LCP2: variants seen among roughly 807,000 people sequenced by gnomAD.
LCP2 encodes the protein lymphocyte cytosolic protein 2.
Under a neutral mutation model 74.5 loss-of-function variants are expected in LCP2, and 29 were observed. The observed-to-expected ratio is 0.39, with a 90% confidence interval of 0.29 to 0.53. The LOEUF (loss-of-function observed/expected upper bound fraction) is 0.53. Among genes scored for constraint, LCP2 ranks in the 20% least tolerant of loss-of-function variants. LCP2 has a pLI of 0.72. For missense variants in LCP2, 604 were observed against 634.6 expected (o/e 0.95, Z 0.52); for synonymous variants, 228 against 229.5 (o/e 0.99, Z 0.06).
At chr5:170,261,779 G>A (rs973336465) in intron 13 of LCP2, among the ~76,000 whole-genome samples, 15 of 152,210 alleles carry the variant, frequency 9.9e-5, no homozygotes, top group African/African-American at 3.6e-4. Flanking sequence ...GCCGTATAAT[G>A]TCCTCTCTGG....
At chr5:170,253,958 A>G (rs2113153546) in intron 17 of LCP2, among the ~76,000 whole-genome samples, 1 of 152,300 alleles carries the variant, frequency 6.6e-6, no homozygotes, top group East Asian at 1.9e-4. Flanking sequence ...GCAGTTGCCC[A>G]GGGTATTTTC....
intron 3 of LCP2, among the ~76,000 whole-genome samples, chr5:170,281,509 TG>T (rs1762104631): frequency 6.6e-6 from 1 of 152,214 alleles, no homozygotes; most frequent in Non-Finnish European, 1.5e-5. Context: ...CTCGATCTCC[TG>T]ACCTTGTGAT....
intron 8 of LCP2, among the ~76,000 whole-genome samples, chr5:170,267,585 C>G (rs567379427): frequency 6.6e-6 from 1 of 152,008 alleles, no homozygotes; most frequent in South Asian, 2.1e-4. Flanking sequence ...TCACCTCCCC[C>G]CCCCATACCG....
At chr5:170,275,384 T>G (rs764680745) in intron 4 of LCP2, 33 bp from the exon 5 acceptor site, 1 of 1,613,346 alleles carries the variant, frequency 6.2e-7, no homozygotes, top group East Asian at 2.2e-5. Context: ...ATTAATGGTC[T>G]TCTCGATTTA....
intron 17 of LCP2, among the ~76,000 whole-genome samples, chr5:170,255,782 C>G (rs1761538874): frequency 6.6e-6 from 1 of 152,234 alleles, no homozygotes; most frequent in Non-Finnish European, 1.5e-5. Context: ...ACTCAGGCCT[C>G]ACCCCAGACC....
At chr5:170,292,804 C>T (rs917179389) in intron 2 of LCP2, among the ~76,000 whole-genome samples, 1 of 152,224 alleles carries the variant, frequency 6.6e-6, no homozygotes, top group Non-Finnish European at 1.5e-5. Context: ...TACATACCTG[C>T]ACCTTGGTCT....
At chr5:170,271,195 A>G (rs1022803216) in intron 6 of LCP2, among the ~76,000 whole-genome samples, 2 of 152,190 alleles carry the variant, frequency 1.3e-5, no homozygotes, top group African/African-American at 4.8e-5. Flanking sequence ...AAGGGGAAGG[A>G]TGCTGGAATA....
intron 3 of LCP2, among the ~76,000 whole-genome samples, chr5:170,285,573 C>A (rs953160070): frequency 6.6e-6 from 1 of 152,142 alleles, no homozygotes; most frequent in Non-Finnish European, 1.5e-5. Context: ...CTAGCCAGGA[C>A]CTGAACAATT....
chr5:170,273,271 G>T (rs1226191787), intron 6 of LCP2, among the ~76,000 whole-genome samples: 2 of 152,220 alleles, frequency 1.3e-5, no homozygotes, highest in Admixed American at 1.3e-4. Flanking sequence ...AAGAGAGGCT[G>T]CATGGCAAGG....
Position 170,262,769 on chromosome 5 carries a change from A to G in LCP2, c.819-27T>C, listed in dbSNP as rs202237098. ...TGTGGAGTTCAGGAAAAGGATGTGT[A>G]AGAAACAAACTTTGCCGAGGCAGAG... On this transcript the variant is annotated intron_variant, in intron 12 of 20. Transcript: ENST00000046794. 433 of 1,613,518 alleles carry G rather than the reference A, an allele frequency of 2.7e-4. 1 individual carries two copies. In the East Asian group the frequency reaches 3.4e-3, roughly 13 times the overall value.
intron 1 of LCP2, among the ~76,000 whole-genome samples, chr5:170,295,571 G>A (rs1019175030): frequency 1.3e-5 from 2 of 152,236 alleles, no homozygotes; most frequent in Admixed American, 1.3e-4. Flanking sequence ...GAGCTGAGTC[G>A]AGAGCTGTCT....
chr5:170,289,673 C>CTTTCTT (rs1443841574), intron 2 of LCP2, among the ~76,000 whole-genome samples: 53 of 129,676 alleles, frequency 4.1e-4, no homozygotes, highest in East Asian at 1.1e-3. Context: ...TTCTTTCTTT[C>CTTTCTT]TCTCTCTCTC....
intron 2 of LCP2, among the ~76,000 whole-genome samples, chr5:170,288,714 G>A (rs181541739): frequency 8.5e-5 from 13 of 152,314 alleles, no homozygotes; most frequent in African/African-American, 2.6e-4. Flanking sequence ...GGGATATCAA[G>A]GGGATTTCCA....
At position 170,288,032 on chromosome 5, in the gene LCP2, A is replaced by T; in HGVS notation, c.142-16T>A. 2.5e-6 allele frequency: 4 copies of T among 1,613,830 alleles called. 1 individual carries two copies. Among genetic ancestry groups the T allele is most frequent in the South Asian group, 2.2e-5 (2 of 91,080 alleles). ...CTGTCAGGTTCTGAAATGAAGACAC[A>T]TATGGCAGGCAGGTTACAACCCACA... On this transcript the variant is annotated splice_polypyrimidine_tract_variant and intron_variant, in intron 2 of 20. Transcript: ENST00000046794.
intron 8 of LCP2, 40 bp from the exon 9 acceptor site, chr5:170,267,115 A>G (rs751072898): frequency 6.9e-6 from 11 of 1,603,418 alleles, no homozygotes; most frequent in Admixed American, 5.0e-5. Flanking sequence ...CTTCCAATAC[A>G]TCAGCAAGAG....
Position 170,283,586 on chromosome 5 carries a change from G to A in LCP2, c.188+4384C>T, listed in dbSNP as rs546867136. Among the ~76,000 whole-genome samples, 3 of 152,204 alleles carry A rather than the reference G, an allele frequency of 2.0e-5. No homozygotes were observed. In the South Asian group the frequency reaches 6.2e-4, roughly 32 times the overall value. On this transcript the variant is annotated intron_variant, in intron 3 of 20. Transcript: ENST00000046794. ...CTGTCCTCCAAATCATCACTTACAT[G>A]CCCTGGACAGAGATAAGACACAAAT...
intron 3 of LCP2, among the ~76,000 whole-genome samples, chr5:170,287,452 C>G (rs1199647215): frequency 6.6e-6 from 1 of 152,226 alleles, no homozygotes; most frequent in Non-Finnish European, 1.5e-5. Flanking sequence ...CTTTCAGCAC[C>G]TATGGCAGAC....
Position 170,246,271 on chromosome 5 carries a change from G to A in LCP2, c.*2426C>T. The A allele has an allele frequency of 1.6e-6, 1 of 616,250 alleles. No homozygotes were observed. Among genetic ancestry groups the A allele is most frequent in the Non-Finnish European group, 2.6e-6 (1 of 382,032 alleles). 38.2% of individuals were successfully genotyped at this position (616,250 alleles called of 1,614,324 possible). A position where few individuals can be genotyped will look rare whatever the true frequency, so the allele number is the denominator to read the frequency against. On this transcript the variant is annotated 3_prime_UTR_variant, in exon 21 of 21. Transcript: ENST00000046794. ...AGGCTGTTTAATGTTTTGAAGAATG[G>A]CTTAACTTACGTCACTAATGGCAAG...
chr5:170,251,732 C>G, intron 19 of LCP2: 1 of 449,982 alleles, frequency 2.2e-6, no homozygotes, highest in Middle Eastern at 3.3e-4. Flanking sequence ...ATTAGAATTA[C>G]CTGGGAAGTT....
Sources: allele counts gnomAD v4.1 joint callset (sites outside exome capture counted in the v4.1 genomes callset), GRCh38; gene constraint gnomAD v4.1.1; transcripts MANE v1.5; gene names NCBI Gene and HGNC (gene_info 2026-07-23, HGNC 2026-07-21).